The following UNC13B variants were observed in gnomAD, a reference collection of about 807,000 sequenced individuals.
UNC13B encodes protein unc-13 homolog B.
A neutral mutation model predicts 211.0 loss-of-function variants in UNC13B; 144 were observed. The observed-to-expected ratio is 0.68, with a 90% CI of 0.60 to 0.78. UNC13B has a LOEUF of 0.78. UNC13B is among the 30% of genes least tolerant of loss of function. UNC13B has a pLI of 0.00. For missense variants in UNC13B, 1,777 were observed against 2,002.0 expected, an observed-to-expected ratio of 0.89 and a Z score of 2.14; for synonymous variants, 709 against 725.8, an observed-to-expected ratio of 0.98 and a Z score of 0.37.
rs767129846 is a variant in UNC13B, at chr9:35,403,952, A to G, written c.12942A>G (p.Leu4314=). 46 of 1,614,158 alleles carry G rather than the reference A, an allele frequency of 2.8e-5. No individual in the cohort carries two copies. The highest frequency in any genetic ancestry group is 2.7e-4 in the Admixed American group (16 of 60,028). ...CAGGCCTGACCATTCTCCGGATTTTATCTCAGAGGAGCAATGACGAGGTGG... is the reference window on the plus strand; with the variant it reads ...CAGGCCTGACCATTCTCCGGATTTTGTCTCAGAGGAGCAATGACGAGGTGG... The part of the protein sequence containing the change: ...DETGLTILRI[L]SQRSNDEVAR... Residue 4314 remains leucine, a synonymous_variant, in exon 40 of 40, where the codon TTA becomes TTG. Transcript: ENST00000635942.
At chr9:35,220,319 A>C (rs950878343) in intron 1 of UNC13B, among the ~76,000 whole-genome samples, 4 of 151,318 alleles carry the variant, frequency 2.6e-5, no homozygotes, top group Non-Finnish European at 4.4e-5. Flanking sequence ...AGTTATTTTA[A>C]AATGTACAAT....
At position 35,403,876 on chromosome 9, in the gene UNC13B, G is replaced by A. The variant is rs749256872; in HGVS notation, c.12866G>A (p.Gly4289Asp). 1 of 1,614,086 alleles carries A rather than the reference G, an allele frequency of 6.2e-7. No individual in the cohort carries two copies. Among genetic ancestry groups the A allele is most frequent in the African/African-American group, 1.3e-5 (1 of 74,918 alleles). Residue 4289 changes from glycine to aspartate, a missense_variant, in exon 40 of 40, where the codon GGC becomes GAC. By Grantham distance (94) the Gly-to-Asp change is moderately conservative (BLOSUM62 -1). Transcript: ENST00000635942. ...VMPLRDVTAK[G>D]SCACWCPLGR... Reference sequence around the variant, plus strand: ...CCTCTGAGGGATGTCACAGCCAAGGGCAGCTGTGCCTGCTGGTGCCCCTTG... The same window carrying A: ...CCTCTGAGGGATGTCACAGCCAAGGACAGCTGTGCCTGCTGGTGCCCCTTG...
At position 35,302,525 on chromosome 9, in the gene UNC13B, A is replaced by G. The variant is rs1479558215; in HGVS notation, c.3121A>G (p.Ile1041Val). The G allele has an allele frequency of 7.5e-6, 3 of 398,608 alleles. No homozygotes were observed. Among genetic ancestry groups the G allele is most frequent in the African/African-American group, 6.2e-5 (3 of 48,634 alleles). The allele number at this position is 398,608 out of a possible 1,614,324, so 24.7% of individuals were successfully genotyped here. The change falls in exon 9 of 40, where the codon ATA (isoleucine) becomes GTA (valine). Residue 1041 changes from isoleucine (I) to valine (V), a missense_variant. By Grantham distance (29) the Ile-to-Val change is conservative. Transcript: ENST00000635942. ...TAGTCCTGAAGATGCCAAATTTAAT[A>G]TAATAAAGTCTGATTCAGTTACAAA... The part of the protein sequence containing the change: ...INSPEDAKFN[I>V]IKSDSVTNIN...
chr9:35,393,072 G>A (rs1030716309), intron 26 of UNC13B, among the ~76,000 whole-genome samples: 2 of 152,108 alleles, frequency 1.3e-5, no homozygotes, highest in Non-Finnish European at 2.9e-5. Flanking sequence ...TATTTTCTCT[G>A]TGCCTGGCTC....
At chr9:35,255,430 G>C (rs1257032396) in intron 6 of UNC13B, among the ~76,000 whole-genome samples, 1 of 151,988 alleles carries the variant, frequency 6.6e-6, no homozygotes, top group African/African-American at 2.4e-5. Flanking sequence ...GAACTGCAGA[G>C]GAGAAAGAGT....
chr9:35,298,255 C>CA (rs1451614476), intron 8 of UNC13B, among the ~76,000 whole-genome samples: 4 of 152,078 alleles, frequency 2.6e-5, no homozygotes, highest in East Asian at 1.9e-4. Context: ...CTCATCTCTA[C>CA]AAAAAATAAA....
chr9:35,257,230 G>C lies in UNC13B; in HGVS notation c.469-1763G>C, dbSNP rs533373748. ...TCCCAGCACTTTGGGAGGCTGAGGCGGGTGGATCACCTGAGGTCAGGAGTT... is the reference window on the plus strand; with the variant it reads ...TCCCAGCACTTTGGGAGGCTGAGGCCGGTGGATCACCTGAGGTCAGGAGTT... On this transcript the variant is annotated intron_variant, in intron 6 of 39. Coordinates refer to ENST00000635942, the MANE Select transcript of UNC13B (RefSeq NM_001371189.2). 2.0e-5 allele frequency among the ~76,000 whole-genome samples: 3 copies of C among 150,204 alleles called. No individual in the cohort carries two copies. The South Asian group carries it at 6.3e-4, about 31-fold the overall frequency.
At chr9:35,188,589 A>G (rs991294784) in intron 1 of UNC13B, among the ~76,000 whole-genome samples, 1 of 152,204 alleles carries the variant, frequency 6.6e-6, no homozygotes, top group Non-Finnish European at 1.5e-5. Context: ...GGGGCCTCTG[A>G]ACCATCCAGA....
intron 1 of UNC13B, among the ~76,000 whole-genome samples, chr9:35,171,216 C>T (rs1224460983): frequency 6.6e-6 from 1 of 152,124 alleles, no homozygotes; most frequent in African/African-American, 2.4e-5. Flanking sequence ...ATTCTCCTGC[C>T]TCAGCCTCCC....
chr9:35,255,074 AATATATATATT>A (rs1049688570), intron 6 of UNC13B, among the ~76,000 whole-genome samples: 10 of 118,218 alleles, frequency 8.5e-5, no homozygotes, highest in Admixed American at 1.1e-4. Flanking sequence ...TGTATAATAT[AATATATATATT>A]ATATATATAT....
intron 1 of UNC13B, among the ~76,000 whole-genome samples, chr9:35,207,993 ATG>A (rs1823758711): frequency 6.6e-6 from 1 of 152,182 alleles, no homozygotes; most frequent in African/African-American, 2.4e-5. Flanking sequence ...TAATTTTTGT[ATG>A]TCATGTGAGG....
chr9:35,304,366 A>G lies in UNC13B; in HGVS notation c.4962A>G (p.Gln1654=), dbSNP rs894887564. The G allele has an allele frequency of 3.3e-5, 13 of 398,622 alleles. No homozygotes were observed. The highest frequency in any genetic ancestry group is 8.8e-5 in the Admixed American group (2 of 22,680). The allele number at this position is 398,622 out of a possible 1,614,324, so 24.7% of individuals were successfully genotyped here. The part of the protein sequence containing the change: ...QPLDFSGYNR[Q]KFKGDFRSFK... ...TAGATTTTTCAGGCTATAATCGTCAAAAGTTTAAAGGAGACTTTAGATCTT... is the reference window on the plus strand; with the variant it reads ...TAGATTTTTCAGGCTATAATCGTCAGAAGTTTAAAGGAGACTTTAGATCTT... The change falls in exon 9 of 40, where the codon CAA becomes CAG. Residue 1654 remains glutamine, a synonymous_variant. Transcript: ENST00000635942.
intron 1 of UNC13B, among the ~76,000 whole-genome samples, chr9:35,185,557 G>A (rs754501428): frequency 1.3e-4 from 20 of 152,048 alleles, no homozygotes; most frequent in Non-Finnish European, 2.5e-4. Context: ...CTTCACTCTG[G>A]GCTCTTGCTA....
Position 35,229,781 on chromosome 9 carries a change from A to T in UNC13B, c.53-1339A>T, listed in dbSNP as rs185949379. Among the ~76,000 whole-genome samples, 252 of 152,238 alleles carry T rather than the reference A, an allele frequency of 1.7e-3. 1 individual carries two copies. Among genetic ancestry groups the T allele is most frequent in the South Asian group, 8.5e-3 (41 of 4,820 alleles). On this transcript the variant is annotated intron_variant, in intron 2 of 39. Transcript: ENST00000635942. The stretch of plus-strand genomic sequence containing the variant: ...ATATAATTATAAATTTTCCATGTTG[A>T]TAAGTATAAAACCACACCATTTTAA...
chr9:35,399,111 A>G lies in UNC13B; in HGVS notation c.12075-50A>G, dbSNP rs771840965. 3.1e-6 allele frequency: 5 copies of G among 1,613,930 alleles called. No homozygotes were observed. In the Admixed American group the frequency reaches 6.7e-5, roughly 22 times the overall value. Reference sequence around the variant, plus strand: ...TCGGGCAAGGGAGCCCCTTGGGGAGAGGGGTTCTCAAACTCTCACCCTGGT... The same window carrying G: ...TCGGGCAAGGGAGCCCCTTGGGGAGGGGGGTTCTCAAACTCTCACCCTGGT... On this transcript the variant is annotated intron_variant, in intron 33 of 39. Coordinates refer to ENST00000635942, the MANE Select transcript of UNC13B (RefSeq NM_001371189.2).
At chr9:35,236,723 G>T in intron 4 of UNC13B, 137 bp downstream of exon 4, 1 of 784,396 alleles carries the variant, frequency 1.3e-6, no homozygotes, top group Non-Finnish European at 2.1e-6. Flanking sequence ...CATGCAACCT[G>T]CCTGTTCCTA....
At chr9:35,353,918 G>C in intron 11 of UNC13B, 1 of 634,470 alleles carries the variant, frequency 1.6e-6, no homozygotes, top group East Asian at 3.4e-5. Flanking sequence ...GTTGGTTGAC[G>C]TCCATAGCTT....
At chr9:35,262,702 G>A (rs969144339) in intron 7 of UNC13B, among the ~76,000 whole-genome samples, 6 of 152,090 alleles carry the variant, frequency 3.9e-5, no homozygotes, top group African/African-American at 1.2e-4. Flanking sequence ...AGGTGGAGAC[G>A]GGTGGATCAC....
chr9:35,319,328 G>A (rs781031271), intron 11 of UNC13B, among the ~76,000 whole-genome samples: 11 of 138,598 alleles, frequency 7.9e-5, no homozygotes, highest in Non-Finnish European at 9.1e-5. Flanking sequence ...GCCTGAACCC[G>A]GGAAGCAGAG....
Sources: allele counts gnomAD v4.1 joint callset (sites outside exome capture counted in the v4.1 genomes callset), GRCh38; gene constraint gnomAD v4.1.1; transcripts MANE v1.5; gene names NCBI Gene and HGNC (gene_info 2026-07-23, HGNC 2026-07-21).